Variants in SLC14A1 observed in about 807,000 individuals in gnomAD.
SLC14A1 encodes the protein urea transporter 1.
In SLC14A1, 36 loss-of-function variants were observed where a neutral mutation model predicts 39.6. The ratio of observed to expected loss-of-function variants is 0.91; its 90% CI spans 0.70 to 1.20. The LOEUF (loss-of-function observed/expected upper bound fraction) is 1.20, where lower values mean the gene tolerates loss of function less well. SLC14A1 is among the 50% of genes most tolerant of loss of function. SLC14A1 has a pLI of 0.00. For missense variants in SLC14A1, 469 were observed against 478.7 expected (o/e 0.98, Z 0.19); for synonymous variants, 164 against 173.6 (o/e 0.94, Z 0.43).
chr18:45,733,672 C>A (rs183706536), intron 4 of SLC14A1, among the ~76,000 whole-genome samples: 1 of 152,336 alleles, frequency 6.6e-6, no homozygotes, highest in East Asian at 1.9e-4. Flanking sequence ...TTCCTCTCAG[C>A]CACTGTAGAC....
intron 4 of SLC14A1, among the ~76,000 whole-genome samples, chr18:45,733,549 C>G (rs967182987): frequency 6.6e-6 from 1 of 152,188 alleles, no homozygotes; most frequent in African/African-American, 2.4e-5. Context: ...ACTTAAGCAA[C>G]AGTTTCATAT....
rs1254937830 is a variant in SLC14A1, at chr18:45,734,333, C to T, written c.401C>T (p.Ala134Val). Residue 134 changes from alanine (A) to valine (V), a missense_variant, in exon 5 of 10, where the codon GCT (alanine) becomes GTT (valine). Coordinates refer to ENST00000321925, the MANE Select transcript of SLC14A1 (RefSeq NM_015865.7). ...YNATLVGVLMAVFSDKGDYFW... is the reference protein window; with the variant it reads ...YNATLVGVLMVVFSDKGDYFW... ...GCCACCCTGGTGGGAGTACTCATGGCTGTCTTTTCGGACAAGGGAGACTAT... is the reference window on the plus strand; with the variant it reads ...GCCACCCTGGTGGGAGTACTCATGGTTGTCTTTTCGGACAAGGGAGACTAT... 3 of 1,613,988 alleles carry T rather than the reference C, an allele frequency of 1.9e-6. No homozygotes were observed. Among genetic ancestry groups the T allele is most frequent in the Non-Finnish European group, 2.5e-6 (3 of 1,179,962 alleles).
chr18:45,743,316 G>A (rs1411238061), intron 8 of SLC14A1, among the ~76,000 whole-genome samples: 1 of 152,140 alleles, frequency 6.6e-6, no homozygotes, highest in Admixed American at 6.5e-5. Context: ...GCCATGTGAG[G>A]TCACATATTC....
chr18:45,750,411 T>G lies in SLC14A1; in HGVS notation c.*460T>G. On this transcript the variant is annotated 3_prime_UTR_variant, in exon 10 of 10. Transcript: ENST00000321925. ...TCTGTGATAAGCAGCTTGGCTTTTT[T>G]TTTAAATCAATGCAAGTTACACATT... 1 of 1,082,812 alleles carries G rather than the reference T, an allele frequency of 9.2e-7. No individual in the cohort carries two copies. Among genetic ancestry groups the G allele is most frequent in the South Asian group, 2.8e-5 (1 of 36,160 alleles). The allele number at this position is 1,082,812 out of a possible 1,614,324, so 67.1% of individuals were successfully genotyped here.
At chr18:45,744,636 G>A (rs1486681165) in intron 8 of SLC14A1, among the ~76,000 whole-genome samples, 1 of 151,284 alleles carries the variant, frequency 6.6e-6, no homozygotes, top group Non-Finnish European at 1.5e-5. Context: ...CTGTCTAGAT[G>A]TAACTTTTTT....
Position 45,748,391 on chromosome 18 carries a change from A to G in SLC14A1, c.962A>G (p.Tyr321Cys), listed in dbSNP as rs1289768152. 3.1e-6 allele frequency: 5 copies of G among 1,613,910 alleles called. No individual in the cohort carries two copies. The highest frequency in any genetic ancestry group is 3.4e-6 in the Non-Finnish European group (4 of 1,179,986). ...TTTTCTGTAGCCCTGTTCACGGCCT[A>G]TCTTGGAGTCGGCATGGCAAACTTT... ...LALGCALFTA[Y>C]LGVGMANFMA... Residue 321 changes from tyrosine (Y) to cysteine (C), a missense_variant, in exon 9 of 10, where the codon TAT becomes TGT. Tyr to Cys is a radical substitution (Grantham distance 194). Coordinates refer to ENST00000321925, the MANE Select transcript of SLC14A1 (RefSeq NM_015865.7).
intron 8 of SLC14A1, among the ~76,000 whole-genome samples, chr18:45,743,734 A>G (rs1254324657): frequency 6.6e-6 from 1 of 152,190 alleles, no homozygotes; most frequent in Non-Finnish European, 1.5e-5. Context: ...GTGGATTTGC[A>G]TAACTTATTA....
At position 45,750,931 on chromosome 18, in the gene SLC14A1, T is replaced by A. The variant is rs9954521; in HGVS notation, c.*980T>A. 523,856 of 983,990 alleles carry A rather than the reference T, an allele frequency of 0.53. 141,892 individuals are homozygous for A. Among genetic ancestry groups the A allele is most frequent in the Non-Finnish European group, 0.55 (459,520 of 828,780 alleles). 61.0% of individuals were successfully genotyped at this position (983,990 alleles called of 1,614,324 possible). On this transcript the variant is annotated 3_prime_UTR_variant, in exon 10 of 10. Transcript: ENST00000321925. The stretch of plus-strand genomic sequence containing the variant: ...ATAAAGACTGAAGGCAAAGGTCAGA[T>A]TGCTTACGGGTGTTATTTTTATAAG...
intron 6 of SLC14A1, among the ~76,000 whole-genome samples, chr18:45,737,945 A>G (rs990701148): frequency 6.6e-6 from 1 of 152,080 alleles, no homozygotes; most frequent in Non-Finnish European, 1.5e-5. Context: ...ACCAACCCCA[A>G]CCCTATGGCT....
chr18:45,743,240 T>C (rs572490485), intron 8 of SLC14A1, among the ~76,000 whole-genome samples: 1 of 152,326 alleles, frequency 6.6e-6, no homozygotes, highest in South Asian at 2.1e-4. Context: ...GTCCATTCAA[T>C]AGTCTAGGAA....
chr18:45,749,193 A>C (rs2047640101), intron 9 of SLC14A1, among the ~76,000 whole-genome samples: 1 of 151,882 alleles, frequency 6.6e-6, no homozygotes, highest in Non-Finnish European at 1.5e-5. Flanking sequence ...AGATTAGGGT[A>C]CCCCTACACT....
rs1568040271 is a variant in SLC14A1, at chr18:45,739,221, CAG to C, written c.723_724del (p.Gly243HisfsTer36). On this transcript the variant is annotated frameshift_variant, in exon 7 of 10. Transcript: ENST00000321925. LOFTEE classifies it high-confidence loss of function. ...ATCTATGGCTGTGATAATCCATGGA[CAG>C]GGGGCATTTTCCTGGGAGCCATCCT... is the stretch of plus-strand genomic sequence containing the variant. 6.2e-7 allele frequency: 1 copy of C among 1,614,086 alleles called. No individual in the cohort carries two copies. Among genetic ancestry groups the C allele is most frequent in the South Asian group, 1.1e-5 (1 of 91,086 alleles).
At position 45,741,556 on chromosome 18, in the gene SLC14A1, G is replaced by A. The variant is rs530649086; in HGVS notation, c.946+1894G>A. The stretch of plus-strand genomic sequence containing the variant: ...CTAAAGACCCATTCCATTTTGATTC[G>A]ATGCTATAGCAAGGGTAACATAACT... On this transcript the variant is annotated intron_variant, in intron 8 of 9. Transcript: ENST00000321925. 1.8e-4 allele frequency among the ~76,000 whole-genome samples: 28 copies of A among 151,878 alleles called. No individual in the cohort carries two copies. The South Asian group carries it at 3.3e-3, about 18-fold the overall frequency.
Position 45,748,378 on chromosome 18 carries a change from C to G in SLC14A1, c.949C>G (p.Leu317Val), listed in dbSNP as rs746135759. 4.3e-6 allele frequency: 7 copies of G among 1,613,882 alleles called. No homozygotes were observed. The highest frequency in any genetic ancestry group is 3.4e-6 in the Non-Finnish European group (4 of 1,179,978). The change falls in exon 9 of 10, where the codon CTG becomes GTG. Residue 317 changes from leucine (L) to valine (V), a missense_variant and splice_region_variant. Physicochemically the swap from Leu to Val is conservative, Grantham distance 32. Coordinates refer to ENST00000321925, the MANE Select transcript of SLC14A1 (RefSeq NM_015865.7). ...QTHLLALGCALFTAYLGVGMA... is the reference protein window; with the variant it reads ...QTHLLALGCAVFTAYLGVGMA... Reference sequence around the variant, plus strand: ...TTCCCTCCTTTTTTTTTCTGTAGCCCTGTTCACGGCCTATCTTGGAGTCGG... The same window carrying G: ...TTCCCTCCTTTTTTTTTCTGTAGCCGTGTTCACGGCCTATCTTGGAGTCGG...
rs1237079730 is a variant in SLC14A1 at position 45,751,658 on chromosome 18, C to G, written c.*1707C>G. ...ATTAGCCAGGTGTAGCAGCACACAT[C>G]TGCAGCAGCTACTCAGGAGGCTGAG... On this transcript the variant is annotated 3_prime_UTR_variant, in exon 10 of 10. Transcript: ENST00000321925. 1 of 427,012 alleles carries G rather than the reference C, an allele frequency of 2.3e-6. No individual in the cohort carries two copies. The allele number at this position is 427,012 out of a possible 1,614,324, so 26.5% of individuals were successfully genotyped here. A position where few individuals can be genotyped will look rare whatever the true frequency, so the allele number is the denominator to read the frequency against.
intron 8 of SLC14A1, among the ~76,000 whole-genome samples, chr18:45,741,573 A>T (rs746772119): frequency 1.1e-4 from 15 of 136,380 alleles, no homozygotes; most frequent in Non-Finnish European, 2.1e-4. Flanking sequence ...TAGCAAGGGT[A>T]ACATAACTCA....
intron 5 of SLC14A1, among the ~76,000 whole-genome samples, chr18:45,735,946 C>T (rs190547075): frequency 3.0e-4 from 45 of 152,334 alleles, no homozygotes; most frequent in African/African-American, 1.1e-3. Context: ...AGCTCAAGGA[C>T]ACACACTCTG....
intron 4 of SLC14A1, chr18:45,733,979 G>A (rs551881287): frequency 2.8e-4 from 108 of 389,780 alleles, no homozygotes; most frequent in African/African-American, 1.0e-3. Context: ...GTTTCATCCC[G>A]AAATCATCCC....
rs770980754 is a variant in SLC14A1, at chr18:45,751,078, G to A, written c.*1127G>A. Reference sequence around the variant, plus strand: ...TAAAGGGCTGAGTGCGGTGGCTCACGCCTGTAATCCCAGCACTTTGGGGAG... The same window carrying A: ...TAAAGGGCTGAGTGCGGTGGCTCACACCTGTAATCCCAGCACTTTGGGGAG... On this transcript the variant is annotated 3_prime_UTR_variant, in exon 10 of 10. Coordinates refer to ENST00000321925, the MANE Select transcript of SLC14A1 (RefSeq NM_015865.7). The A allele has an allele frequency of 4.3e-5, 41 of 960,248 alleles. No individual in the cohort carries two copies. Among genetic ancestry groups the A allele is most frequent in the Non-Finnish European group, 5.0e-5 (40 of 807,126 alleles). 59.5% of individuals were successfully genotyped at this position (960,248 alleles called of 1,614,324 possible).
Sources: allele counts gnomAD v4.1 joint callset (sites outside exome capture counted in the v4.1 genomes callset), GRCh38; gene constraint gnomAD v4.1.1; transcripts MANE v1.5; gene names NCBI Gene and HGNC (gene_info 2026-07-23, HGNC 2026-07-21).